The following CDH6 variants were observed in gnomAD, a reference collection of about 807,000 sequenced individuals.
The protein encoded by CDH6 is cadherin 6, also known as cadherin-6.
CDH6 carries 31 observed loss-of-function variants against 78.0 expected under a neutral mutation model. That is an observed-to-expected ratio of 0.40 (90% CI 0.30 to 0.54). The LOEUF is 0.54. CDH6 is among the 20% of genes least tolerant of loss of function. The probability of loss-of-function intolerance (pLI) is 0.56; values close to 1 mark genes in which losing one functional copy is unlikely to be tolerated. For missense variants in CDH6, 724 were observed against 975.9 expected, an observed-to-expected ratio of 0.74 and a Z score of 3.44; for synonymous variants, 376 against 368.8, an observed-to-expected ratio of 1.02 and a Z score of -0.23.
chr5:31,239,351 T>C (rs990385084), intron 1 of CDH6, among the ~76,000 whole-genome samples: 1 of 152,204 alleles, frequency 6.6e-6, no homozygotes, highest in African/African-American at 2.4e-5. Flanking sequence ...AAGTTCAGAC[T>C]TATTTTATTG....
intron 1 of CDH6, among the ~76,000 whole-genome samples, chr5:31,226,436 A>C (rs1270786423): frequency 1.3e-5 from 2 of 152,186 alleles, no homozygotes; most frequent in African/African-American, 4.8e-5. Context: ...TGGCCTCCCA[A>C]AGTGCTGGGA....
rs567001005 is a variant in CDH6 at position 31,215,526 on chromosome 5, C to T, written c.-129+21640C>T. Among the ~76,000 whole-genome samples the T allele has an allele frequency of 3.9e-5, 6 of 152,234 alleles. No homozygotes were observed. In the South Asian group the frequency reaches 8.3e-4, roughly 21 times the overall value. Reference sequence around the variant, plus strand: ...AATTGAAAATTCTAGGTCTGGTGTGCAGCAGACTCATTATTTATTCCAAAA... The same window carrying T: ...AATTGAAAATTCTAGGTCTGGTGTGTAGCAGACTCATTATTTATTCCAAAA... On this transcript the variant is annotated intron_variant, in intron 1 of 11. Coordinates refer to ENST00000265071, the MANE Select transcript of CDH6 (RefSeq NM_004932.4).
intron 7 of CDH6, among the ~76,000 whole-genome samples, chr5:31,306,508 G>T (rs560062827): frequency 6.6e-6 from 1 of 152,196 alleles, no homozygotes; most frequent in South Asian, 2.1e-4. Flanking sequence ...GGTGGCTCAC[G>T]CCTGTAATCC....
At chr5:31,235,600 C>A (rs1002022952) in intron 1 of CDH6, among the ~76,000 whole-genome samples, 2 of 152,174 alleles carry the variant, frequency 1.3e-5, no homozygotes, top group African/African-American at 4.8e-5. Context: ...GCATGACTTA[C>A]TACACAAACC....
At chr5:31,292,423 C>G (rs962559395) in intron 2 of CDH6, among the ~76,000 whole-genome samples, 1 of 152,152 alleles carries the variant, frequency 6.6e-6, no homozygotes. Flanking sequence ...CACTTTTAGA[C>G]TAGGTTGGAT....
chr5:31,283,066 A>G (rs543908369), intron 2 of CDH6, among the ~76,000 whole-genome samples: 4 of 152,322 alleles, frequency 2.6e-5, no homozygotes, highest in East Asian at 1.9e-4. Context: ...AGTTTGATCA[A>G]TGTTCTCAAT....
chr5:31,206,861 C>G (rs959760598), intron 1 of CDH6, among the ~76,000 whole-genome samples: 3 of 151,998 alleles, frequency 2.0e-5, no homozygotes, highest in Non-Finnish European at 4.4e-5. Flanking sequence ...ACCTCCTACT[C>G]AGCTTAGAAA....
chr5:31,281,946 T>A (rs59372239), intron 2 of CDH6, among the ~76,000 whole-genome samples: 90 of 152,216 alleles, frequency 5.9e-4, no homozygotes, highest in African/African-American at 2.1e-3. Context: ...AAATAAAAGT[T>A]ACCCCCTGGA....
intron 6 of CDH6, among the ~76,000 whole-genome samples, chr5:31,302,964 A>AAAGAAAGAAAGAAAGAAAGAAAAG (rs1238222776): frequency 9.0e-6 from 1 of 111,682 alleles, no homozygotes; most frequent in African/African-American, 3.3e-5. Flanking sequence ...AGAAGGAAAG[A>AAAGAAAGAAAGAAAGAAAGAAAAG]AAAGAAAGAA....
At chr5:31,314,679 T>C (rs1738256968) in intron 8 of CDH6, among the ~76,000 whole-genome samples, 2 of 152,130 alleles carry the variant, frequency 1.3e-5, no homozygotes, top group African/African-American at 4.8e-5. Context: ...GGGACTGATG[T>C]AGATACCAAA....
Position 31,305,250 on chromosome 5 carries a change from T to C in CDH6, c.1076T>C (p.Leu359Pro). Residue 359 changes from leucine (L) to proline (P), a missense_variant, in exon 7 of 12, where the codon CTC (leucine) becomes CCC (proline). Physicochemically the swap from Leu to Pro is moderately conservative, Grantham distance 98. This residue lies in a region of CDH6 where 446 missense variants were observed against 684.5 expected (regional missense o/e 0.65). Transcript: ENST00000265071. ...ASNPYVEPRF[L>P]YLGPFKDSAT... ...AATCCTTATGTTGAGCCACGATTTC[T>C]CTACTTGGGGCCTTTCAAAGATTCA... The C allele has an allele frequency of 6.2e-7, 1 of 1,614,130 alleles. No homozygotes were observed. The highest frequency in any genetic ancestry group is 8.5e-7 in the Non-Finnish European group (1 of 1,180,006).
chr5:31,224,566 T>C (rs1171915404), intron 1 of CDH6, among the ~76,000 whole-genome samples: 2 of 152,198 alleles, frequency 1.3e-5, no homozygotes, highest in Non-Finnish European at 2.9e-5. Context: ...GGTTTTTGTT[T>C]GTCTGAGACA....
chr5:31,293,857 G>T, intron 2 of CDH6, 105 bp from the exon 3 acceptor site: 4 of 647,356 alleles, frequency 6.2e-6, no homozygotes, highest in Middle Eastern at 8.7e-4. Flanking sequence ...GTATTCCTTA[G>T]AAAGAATTTA....
At chr5:31,257,803 T>C (rs1164795356) in intron 1 of CDH6, among the ~76,000 whole-genome samples, 1 of 152,214 alleles carries the variant, frequency 6.6e-6, no homozygotes, top group African/African-American at 2.4e-5. Context: ...AACCTGATGA[T>C]AAATTTTTTC....
chr5:31,321,159 A>T (rs1479689219), intron 11 of CDH6, among the ~76,000 whole-genome samples: 1 of 84,640 alleles, frequency 1.2e-5, no homozygotes, highest in African/African-American at 4.4e-5. Flanking sequence ...ACTGTCCCCC[A>T]CCCCACCCAC....
intron 1 of CDH6, chr5:31,251,172 C>A (rs114267230): frequency 6.6e-6 from 1 of 152,184 alleles, no homozygotes; most frequent in African/African-American, 2.4e-5. Context: ...ACTTAGAAAC[C>A]CAAAGGGAGC....
chr5:31,314,034 G>T (rs1325569450), intron 8 of CDH6, among the ~76,000 whole-genome samples: 1 of 152,034 alleles, frequency 6.6e-6, no homozygotes, highest in Non-Finnish European at 1.5e-5. Context: ...GAAATTGAAG[G>T]CAAAGAACAA....
In CDH6 at chr5:31,263,303, G is replaced by T. The variant is rs112357146; in HGVS notation, c.-128-4043G>T. Reference sequence around the variant, plus strand: ...CAGACAGTTTTGCTCTTGTCGCCCAGGCTGGAGTGCAATAGCATGATCTCT... The same window carrying T: ...CAGACAGTTTTGCTCTTGTCGCCCATGCTGGAGTGCAATAGCATGATCTCT... On this transcript the variant is annotated intron_variant, in intron 1 of 11. Coordinates refer to ENST00000265071, the MANE Select transcript of CDH6 (RefSeq NM_004932.4). Among the ~76,000 whole-genome samples, 436 of 149,160 alleles carry T rather than the reference G, an allele frequency of 2.9e-3. 2 individuals carry two copies. The highest frequency in any genetic ancestry group is 9.6e-3 in the African/African-American group (392 of 40,650).
chr5:31,195,278 GCTTT>G (rs1411973756), intron 1 of CDH6, among the ~76,000 whole-genome samples: 1 of 152,144 alleles, frequency 6.6e-6, no homozygotes, highest in South Asian at 2.1e-4. Flanking sequence ...CAAAATGTGG[GCTTT>G]CTGAGTGGTT....
Sources: gnomAD v4.1 joint callset for allele counts (sites outside exome capture counted in the v4.1 genomes callset) on GRCh38, gnomAD v4.1.1 for gene constraint, gnomAD v4.1.1 regional missense constraint, MANE v1.5 for transcripts, NCBI Gene and HGNC (gene_info 2026-07-23, HGNC 2026-07-21) for gene names.